The following PLOD2 variants were observed in gnomAD, a reference collection of about 807,000 sequenced individuals.
PLOD2 encodes lysine hydroxylase 2.
Under a neutral mutation model 101.0 loss-of-function variants are expected in PLOD2, and 65 were observed. The observed-to-expected ratio is 0.64, with a 90% CI of 0.53 to 0.79. The LOEUF is 0.79. Among genes scored for constraint, PLOD2 ranks in the 30% least tolerant of loss-of-function variants. The probability of loss-of-function intolerance (pLI) is 0.00; values close to 1 mark genes in which losing one functional copy is unlikely to be tolerated. For missense variants in PLOD2, 909 were observed against 914.6 expected, an observed-to-expected ratio of 0.99 and a Z score of 0.08; for synonymous variants, 314 against 302.9, an observed-to-expected ratio of 1.04 and a Z score of -0.38.
chr3:146,123,455 A>C (rs1661111132), intron 2 of PLOD2: 2 of 177,510 alleles, frequency 1.1e-5, no homozygotes. Flanking sequence ...TAAGTTTTCT[A>C]AAATGCTTTG....
intron 1 of PLOD2, among the ~76,000 whole-genome samples, chr3:146,133,373 T>C (rs1021316607): frequency 6.6e-6 from 1 of 152,106 alleles, no homozygotes; most frequent in African/African-American, 2.4e-5. Context: ...CTTCAGAAAG[T>C]CATTAATACA....
At chr3:146,160,778 C>T in intron 1 of PLOD2, 103 bp downstream of exon 1, 1 of 745,674 alleles carries the variant, frequency 1.3e-6, no homozygotes, top group Non-Finnish European at 2.3e-6. Context: ...GGACAGGCCC[C>T]CACTACTCAC....
intron 3 of PLOD2, among the ~76,000 whole-genome samples, chr3:146,115,399 A>C (rs1490315769): frequency 1.3e-5 from 2 of 152,078 alleles, no homozygotes; most frequent in Non-Finnish European, 2.9e-5. Flanking sequence ...GAGATTTTCT[A>C]AGTGTTTTTC....
rs1271150286 is a variant in PLOD2, at chr3:146,070,885, A to C, written c.2122-13T>G. ...TGCAACCACCTCCCTAAAAAAGTTA[A>C]AATGAAGAAATACATCAGATTATAT... On this transcript the variant is annotated splice_polypyrimidine_tract_variant and intron_variant, in intron 19 of 19. Transcript: ENST00000282903. The C allele has an allele frequency of 6.3e-7, 1 of 1,595,382 alleles. No homozygotes were observed. Among genetic ancestry groups the C allele is most frequent in the Non-Finnish European group, 8.6e-7 (1 of 1,165,314 alleles).
intron 12 of PLOD2, among the ~76,000 whole-genome samples, chr3:146,081,293 AC>A (rs1339266736): frequency 6.6e-6 from 1 of 151,978 alleles, no homozygotes; most frequent in African/African-American, 2.4e-5. Context: ...GCTATTTCAC[AC>A]AAAAAAACTC....
At chr3:146,142,986 A>G (rs1304714614) in intron 1 of PLOD2, among the ~76,000 whole-genome samples, 2 of 152,140 alleles carry the variant, frequency 1.3e-5, no homozygotes, top group Non-Finnish European at 2.9e-5. Context: ...CTGTAAACTG[A>G]AAAATCTGCT....
chr3:146,097,576 T>C (rs1365286061), intron 7 of PLOD2, among the ~76,000 whole-genome samples: 1 of 113,516 alleles, frequency 8.8e-6, no homozygotes, highest in African/African-American at 3.5e-5. Flanking sequence ...AAGATGTGCT[T>C]TGTTAAACAG....
At chr3:146,095,813 C>G (rs1245200047) in intron 7 of PLOD2, among the ~76,000 whole-genome samples, 3 of 151,862 alleles carry the variant, frequency 2.0e-5, no homozygotes, top group Non-Finnish European at 4.4e-5. Flanking sequence ...AACCCAAATG[C>G]CCATCAATGA....
chr3:146,102,773 A>G lies in PLOD2; in HGVS notation c.759T>C (p.Asn253=). Reference sequence around the variant, plus strand: ...TACTTACCTTGGTGGGTCCATTTCCATTAATTGCCACTGGTAATGTTTCAT... The same window carrying G: ...TACTTACCTTGGTGGGTCCATTTCCGTTAATTGCCACTGGTAATGTTTCAT... ...TFYETLPVAI[N]GNGPTKILLN... The change falls in exon 7 of 20, where the codon AAT becomes AAC. Residue 253 remains asparagine (N), a synonymous_variant. Coordinates refer to ENST00000282903, the MANE Select transcript of PLOD2 (RefSeq NM_182943.3). 1 of 1,592,434 alleles carries G rather than the reference A, an allele frequency of 6.3e-7. No individual in the cohort carries two copies. Among genetic ancestry groups the G allele is most frequent in the Non-Finnish European group, 8.6e-7 (1 of 1,160,298 alleles).
rs935067719 is a variant in PLOD2, at chr3:146,102,841, A to T, written c.691T>A (p.Leu231Ile). Residue 231 changes from leucine (L) to isoleucine (I), a missense_variant, in exon 7 of 20, where the codon TTA becomes ATA. Transcript: ENST00000282903. The part of the protein sequence containing the change: ...TLNGAVDEVV[L>I]KFENGKARAK... Reference sequence around the variant, plus strand: ...CTGGCTTTGCCATTTTCAAATTTTAAAACAACTTCATCTGGGTTAAAAAGA... The same window carrying T: ...CTGGCTTTGCCATTTTCAAATTTTATAACAACTTCATCTGGGTTAAAAAGA... 6.4e-7 allele frequency: 1 copy of T among 1,564,668 alleles called. No homozygotes were observed. The highest frequency in any genetic ancestry group is 1.1e-5 in the South Asian group (1 of 90,080).
At chr3:146,103,482 C>T (rs1286312215) in intron 6 of PLOD2, among the ~76,000 whole-genome samples, 4 of 149,572 alleles carry the variant, frequency 2.7e-5, no homozygotes, top group Admixed American at 6.7e-5. Context: ...TTTTTAGAGA[C>T]TGGGTCTCAC....
intron 2 of PLOD2, among the ~76,000 whole-genome samples, chr3:146,123,507 AAAAC>A (rs10663012): frequency 6.6e-6 from 1 of 150,780 alleles, no homozygotes; most frequent in Non-Finnish European, 1.5e-5. Flanking sequence ...CCTCTAAATG[AAAAC>A]AAACAAACAA....
At chr3:146,090,673 C>T (rs1371207039) in intron 8 of PLOD2, among the ~76,000 whole-genome samples, 1 of 151,738 alleles carries the variant, frequency 6.6e-6, no homozygotes, top group African/African-American at 2.4e-5. Flanking sequence ...TAAAATAGGG[C>T]TCTATTCATA....
At position 146,155,809 on chromosome 3, in the gene PLOD2, G is replaced by C. The variant is rs1576634323; in HGVS notation, c.109+5072C>G. Among the ~76,000 whole-genome samples the C allele has an allele frequency of 2.6e-5, 4 of 151,728 alleles. No individual in the cohort carries two copies. The East Asian group carries it at 7.7e-4, about 29-fold the overall frequency. On this transcript the variant is annotated intron_variant, in intron 1 of 19. Transcript: ENST00000282903. Reference sequence around the variant, plus strand: ...TTCTACAACAAATGCAAATGAGTAAGATGTAAATTAAAAAGAATATGTCAT... The same window carrying C: ...TTCTACAACAAATGCAAATGAGTAACATGTAAATTAAAAAGAATATGTCAT...
intron 1 of PLOD2, among the ~76,000 whole-genome samples, chr3:146,150,315 T>C (rs1027998259): frequency 7.2e-5 from 11 of 152,172 alleles, no homozygotes; most frequent in Non-Finnish European, 1.5e-5. Context: ...GATGACTATT[T>C]ATGTAACAAG....
rs139196270 is a variant in PLOD2 at position 146,158,174 on chromosome 3, A to G, written c.109+2707T>C. Among the ~76,000 whole-genome samples, 601 of 152,234 alleles carry G rather than the reference A, an allele frequency of 3.9e-3. 1 individual carries two copies. Among genetic ancestry groups the G allele is most frequent in the African/African-American group, 0.014 (578 of 41,538 alleles). ...CTTCTCCTTATCCCATCTAGAAGGCAGAAAGGGCAGGAAAGATAAATCAGG... is the reference window on the plus strand; with the variant it reads ...CTTCTCCTTATCCCATCTAGAAGGCGGAAAGGGCAGGAAAGATAAATCAGG... On this transcript the variant is annotated intron_variant, in intron 1 of 19. Transcript: ENST00000282903.
intron 6 of PLOD2, among the ~76,000 whole-genome samples, chr3:146,103,212 CATCT>C (rs1937453150): frequency 6.6e-6 from 1 of 152,144 alleles, no homozygotes; most frequent in Non-Finnish European, 1.5e-5. Context: ...TCAGTTTAGT[CATCT>C]ATCAAATGGT....
At chr3:146,092,014 G>C (rs1936991343) in intron 7 of PLOD2, 113 bp from the exon 8 acceptor site, 3 of 686,002 alleles carry the variant, frequency 4.4e-6, no homozygotes, top group Non-Finnish European at 8.1e-6. Flanking sequence ...TATTCCTTTA[G>C]TAATTCTACT....
intron 3 of PLOD2, among the ~76,000 whole-genome samples, chr3:146,116,015 C>T (rs1937889648): frequency 6.6e-6 from 1 of 152,164 alleles, no homozygotes; most frequent in Non-Finnish European, 1.5e-5. Flanking sequence ...CAGAAGTGTT[C>T]CCTAACCTTG....
Sources: gnomAD v4.1 joint callset for allele counts (sites outside exome capture counted in the v4.1 genomes callset) on GRCh38, gnomAD v4.1.1 for gene constraint, MANE v1.5 for transcripts, NCBI Gene and HGNC (gene_info 2026-07-23, HGNC 2026-07-21) for gene names.